Variants in TMEM184B observed in about 807,000 individuals in gnomAD.
TMEM184B encodes the protein putative MAPK-activating protein FM08.
Under a neutral mutation model 41.8 loss-of-function variants are expected in TMEM184B, and 17 were observed. The observed-to-expected ratio is 0.41, with a 90% CI of 0.28 to 0.61. TMEM184B has a LOEUF of 0.61. Among genes scored for constraint, TMEM184B ranks in the 20% least tolerant of loss-of-function variants. The probability of loss-of-function intolerance (pLI) is 0.34; values close to 1 mark genes in which losing one functional copy is unlikely to be tolerated. For synonymous variants in TMEM184B, 240 were observed against 229.5 expected (o/e 1.05, Z -0.41); for missense variants, 393 against 557.8 (o/e 0.70, Z 2.98).
At chr22:38,230,794 C>T in intron 4 of TMEM184B, 50 bp from the exon 5 acceptor site, 1 of 1,572,022 alleles carries the variant, frequency 6.4e-7, no homozygotes, top group African/African-American at 1.3e-5. Flanking sequence ...AGAGCCAGGA[C>T]TTGGGAACAG....
At chr22:38,268,206 C>G (rs2092471344) in intron 1 of TMEM184B, among the ~76,000 whole-genome samples, 1 of 151,962 alleles carries the variant, frequency 6.6e-6, no homozygotes, top group Non-Finnish European at 1.5e-5. Flanking sequence ...CATGGTGAAA[C>G]CCCATCTCTA....
chr22:38,225,562 T>C lies in TMEM184B; in HGVS notation c.649A>G (p.Ile217Val), dbSNP rs758011518. The part of the protein sequence containing the change: ...VTSGYLYVTI[I>V]YNISVSLALY... Reference sequence around the variant, plus strand: ...GCCAGGCTGACGGAGATGTTGTAGATGATGGTCACGTAGAGGTAGCCACTG... The same window carrying C: ...GCCAGGCTGACGGAGATGTTGTAGACGATGGTCACGTAGAGGTAGCCACTG... Residue 217 changes from isoleucine to valine, a missense_variant, in exon 7 of 9, where the codon ATC becomes GTC. Around this residue, in one of 2 missense-constraint regions of TMEM184B, gnomAD observed 271 missense variants for 434.1 expected, o/e 0.62. Coordinates refer to ENST00000361906, the MANE Select transcript of TMEM184B (RefSeq NM_012264.5). This position sits in a 1 kb window ranked among gnomAD's most constrained non-coding sequence, Gnocchi z 4.4. 3.1e-6 allele frequency: 5 copies of C among 1,606,574 alleles called. No individual in the cohort carries two copies. The Admixed American group carries it at 5.1e-5, about 16-fold the overall frequency.
chr22:38,252,281 G>A (rs943124612), intron 1 of TMEM184B, among the ~76,000 whole-genome samples: 16 of 152,090 alleles, frequency 1.1e-4, no homozygotes, highest in African/African-American at 3.6e-4. Context: ...CGCTGGTCTC[G>A]AGCTCCTGGG....
rs1322238765 is a variant in TMEM184B, at chr22:38,226,646, G to C, written c.617+133C>G. 3.5e-6 allele frequency: 3 copies of C among 867,234 alleles called. No individual in the cohort carries two copies. The highest frequency in any genetic ancestry group is 2.2e-5 in the Admixed American group (1 of 44,510). 53.7% of individuals were successfully genotyped at this position (867,234 alleles called of 1,614,324 possible). A position where few individuals can be genotyped will look rare whatever the true frequency, so the allele number is the denominator to read the frequency against. On this transcript the variant is annotated intron_variant, in intron 6 of 8. Transcript: ENST00000361906. The surrounding 1 kb of genome is among the most constrained non-coding windows in gnomAD (Gnocchi z 4.6). ...TGTCCACTGCTGGGCTCAGACTTCA[G>C]GGGGGTTGTGAGCACCAGACACCCA...
intron 1 of TMEM184B, among the ~76,000 whole-genome samples, chr22:38,259,939 C>CTT (rs60704295): frequency 5.8e-4 from 51 of 87,398 alleles, no homozygotes; most frequent in Middle Eastern, 6.8e-3. Context: ...CCACGCCTGG[C>CTT]TTTTTTTTTT....
chr22:38,258,536 G>A (rs997871399), intron 1 of TMEM184B, among the ~76,000 whole-genome samples: 2 of 152,022 alleles, frequency 1.3e-5, no homozygotes, highest in Non-Finnish European at 2.9e-5. Flanking sequence ...CTGACCTCAA[G>A]TGATCCACCA....
At chr22:38,246,138 T>A in intron 2 of TMEM184B, 38 bp from the exon 3 acceptor site, 1 of 1,595,534 alleles carries the variant, frequency 6.3e-7, no homozygotes, top group Non-Finnish European at 8.5e-7. Context: ...GGGACCCTCC[T>A]GTCCACAGGG....
In TMEM184B at chr22:38,225,776, C is replaced by T. The variant is rs926084541; in HGVS notation, c.618-183G>A. On this transcript the variant is annotated intron_variant, in intron 6 of 8. Coordinates refer to ENST00000361906, the MANE Select transcript of TMEM184B (RefSeq NM_012264.5). This position sits in a 1 kb window ranked among gnomAD's most constrained non-coding sequence, Gnocchi z 4.4. ...GACAGGGGTGGGGGTACATGGGGTG[C>T]GCCTGCAGGCCAGACCAGCTCTACT... Among the ~76,000 whole-genome samples, 6 of 152,160 alleles carry T rather than the reference C, an allele frequency of 3.9e-5. No homozygotes were observed. The highest frequency in any genetic ancestry group is 2.1e-4 in the South Asian group (1 of 4,830).
intron 3 of TMEM184B, 50 bp from the exon 4 acceptor site, chr22:38,231,384 C>T (rs557111564): frequency 6.9e-6 from 10 of 1,453,246 alleles, no homozygotes; most frequent in Admixed American, 6.7e-5. Context: ...AGAATGGGTC[C>T]GCAGATGCTG....
intron 1 of TMEM184B, among the ~76,000 whole-genome samples, chr22:38,255,834 A>G (rs756014388): frequency 1.8e-4 from 28 of 152,222 alleles, no homozygotes; most frequent in Non-Finnish European, 3.7e-4. Context: ...ACAAAGCTAT[A>G]AAGATGGAGC....
intron 1 of TMEM184B, among the ~76,000 whole-genome samples, chr22:38,249,099 C>A (rs1350935822): frequency 6.6e-6 from 1 of 152,198 alleles, no homozygotes; most frequent in East Asian, 1.9e-4. Context: ...CATCCTCCTG[C>A]CTACTCTTTG....
intron 3 of TMEM184B, among the ~76,000 whole-genome samples, chr22:38,233,179 T>C (rs1284170645): frequency 3.9e-5 from 6 of 152,228 alleles, no homozygotes; most frequent in African/African-American, 7.2e-5. Flanking sequence ...TTTATGCTAC[T>C]CACGGTTGCC....
In TMEM184B at chr22:38,226,735, G is replaced by A. The variant is rs188699492; in HGVS notation, c.617+44C>T. 2.3e-4 allele frequency: 356 copies of A among 1,547,314 alleles called. No homozygotes were observed. The African/African-American group carries it at 3.4e-3, about 15-fold the overall frequency. On this transcript the variant is annotated intron_variant, in intron 6 of 8. Coordinates refer to ENST00000361906, the MANE Select transcript of TMEM184B (RefSeq NM_012264.5). This position sits in a 1 kb window ranked among gnomAD's most constrained non-coding sequence, Gnocchi z 4.6. ...TCCCTGAGCCAAGGCACCAGCCTGC[G>A]CCAACACTCCTCCCACACACCCCGG...
chr22:38,247,931 C>G lies in TMEM184B; in HGVS notation c.31G>C (p.Asp11His). The change falls in exon 2 of 9, where the codon GAT (aspartate) becomes CAT (histidine). Residue 11 changes from aspartate to histidine, a missense_variant. Transcript: ENST00000361906. MTVRGDVLAPDPASPTTAAAS... is the reference protein window; with the variant it reads MTVRGDVLAPHPASPTTAAAS... ...GCTGCGGTCGTGGGCGACGCTGGAT[C>G]CGGGGCCAGCACATCCCCCCTCACT... is the stretch of plus-strand genomic sequence containing the variant. The G allele has an allele frequency of 6.3e-7, 1 of 1,592,968 alleles. No individual in the cohort carries two copies. Among genetic ancestry groups the G allele is most frequent in the South Asian group, 1.1e-5 (1 of 88,704 alleles).
At chr22:38,231,356 G>T (rs761636403) in intron 3 of TMEM184B, 22 bp from the exon 4 acceptor site, 1 of 1,598,454 alleles carries the variant, frequency 6.3e-7, no homozygotes. Context: ...GTGTCCAGGA[G>T]AAACCAGTCA....
chr22:38,236,237 C>T (rs1310894849), intron 3 of TMEM184B, among the ~76,000 whole-genome samples: 1 of 152,120 alleles, frequency 6.6e-6, no homozygotes, highest in East Asian at 1.9e-4. Context: ...CACCCCCATG[C>T]CCCATCTGGA....
chr22:38,224,761 G>T (rs2091378184), intron 8 of TMEM184B, 24 bp downstream of exon 8: 3 of 1,548,232 alleles, frequency 1.9e-6, no homozygotes, highest in Admixed American at 3.8e-5. Context: ...CCCAGCGGGG[G>T]TCGCCTAGGA....
At chr22:38,235,160 C>T (rs2091741656) in intron 3 of TMEM184B, among the ~76,000 whole-genome samples, 1 of 152,204 alleles carries the variant, frequency 6.6e-6, no homozygotes, top group Admixed American at 6.5e-5. Flanking sequence ...CCTGCCATGA[C>T]AACAGGCTCA....
intron 3 of TMEM184B, among the ~76,000 whole-genome samples, chr22:38,241,770 G>C (rs2091912455): frequency 6.6e-6 from 1 of 151,266 alleles, no homozygotes; most frequent in Admixed American, 6.6e-5. Context: ...TGTAGTCCCA[G>C]CTACTCAGGA....
Sources: gnomAD v4.1 joint callset for allele counts (sites outside exome capture counted in the v4.1 genomes callset) on GRCh38, gnomAD v4.1.1 for gene constraint, gnomAD v4.1.1 regional missense constraint, Gnocchi (gnomAD v3.1) non-coding constraint, MANE v1.5 for transcripts, NCBI Gene and HGNC (gene_info 2026-07-23, HGNC 2026-07-21) for gene names.